Variants in MAP3K2 observed in about 807,000 individuals in gnomAD.
The protein encoded by MAP3K2 is mitogen-activated protein kinase kinase kinase 2.
Under a neutral mutation model 80.3 loss-of-function variants are expected in MAP3K2, and 24 were observed. The observed-to-expected ratio is 0.30, with a 90% CI of 0.22 to 0.42. MAP3K2 has a LOEUF of 0.42. MAP3K2 is among the 10% of genes least tolerant of loss of function. The pLI is 1.00. For missense variants in MAP3K2, 608 were observed against 750.1 expected (o/e 0.81, Z 2.21); for synonymous variants, 244 against 253.7 (o/e 0.96, Z 0.36).
Position 127,362,684 on chromosome 2 carries a change from GTTTATGGACGA to G in MAP3K2, c.-65-19501_-65-19491del, listed in dbSNP as rs143966653. On this transcript the variant is annotated intron_variant, in intron 1 of 16. Transcript: ENST00000682094. The stretch of plus-strand genomic sequence containing the variant: ...GGTTTACCAAAAACATCACTCAACT[GTTTATGGACGA>G]TAATTAGCAATAACGGCTGTCAGTG... 4.8e-3 allele frequency among the ~76,000 whole-genome samples: 732 copies of G among 152,280 alleles called. 17 individuals carry two copies. Among genetic ancestry groups the G allele is most frequent in the East Asian group, 0.038 (196 of 5,190 alleles).
At position 127,322,327 on chromosome 2, in the gene MAP3K2, T is replaced by A; in HGVS notation, c.839-75A>T. 1 of 970,992 alleles carries A rather than the reference T, an allele frequency of 1.0e-6. No individual in the cohort carries two copies. Among genetic ancestry groups the A allele is most frequent in the Non-Finnish European group, 1.5e-6 (1 of 661,010 alleles). 60.1% of individuals were successfully genotyped at this position (970,992 alleles called of 1,614,324 possible). ...CTTTTAAAGTATTTAAAATTTGTAATGTAGAGAATAGAAATTTGTCCTGTG... is the reference window on the plus strand; with the variant it reads ...CTTTTAAAGTATTTAAAATTTGTAAAGTAGAGAATAGAAATTTGTCCTGTG... On this transcript the variant is annotated intron_variant, in intron 11 of 16. Transcript: ENST00000682094. This position sits in a 1 kb window ranked among gnomAD's most constrained non-coding sequence, Gnocchi z 4.2.
intron 1 of MAP3K2, among the ~76,000 whole-genome samples, chr2:127,380,500 A>G (rs1042588149): frequency 1.3e-5 from 2 of 152,238 alleles, no homozygotes; most frequent in African/African-American, 4.8e-5. Context: ...TCTCAAACAA[A>G]TAATTGTTGA....
At chr2:127,333,030 T>C (rs1558979557) in intron 5 of MAP3K2, among the ~76,000 whole-genome samples, 1 of 151,248 alleles carries the variant, frequency 6.6e-6, no homozygotes, top group Non-Finnish European at 1.5e-5. Flanking sequence ...CTTAGAAGGC[T>C]GAGTGGGGAG....
At chr2:127,341,799 T>C (rs979290937) in intron 2 of MAP3K2, among the ~76,000 whole-genome samples, 1 of 152,152 alleles carries the variant, frequency 6.6e-6, no homozygotes, top group Admixed American at 6.5e-5. Flanking sequence ...CCCAAAGTGC[T>C]GGGATTACAG....
rs1333758398 is a variant in MAP3K2, at chr2:127,372,308, C to T, written c.-66+15144G>A. On this transcript the variant is annotated intron_variant, in intron 1 of 16. Coordinates refer to ENST00000682094, the MANE Select transcript of MAP3K2 (RefSeq NM_001371910.2). ...TTTACCATACTGGGTCCCCAATGCCCAGAAAGGGGGAAAGGGACGTTTTGG... is the reference window on the plus strand; with the variant it reads ...TTTACCATACTGGGTCCCCAATGCCTAGAAAGGGGGAAAGGGACGTTTTGG... Among the ~76,000 whole-genome samples, 7 of 152,080 alleles carry T rather than the reference C, an allele frequency of 4.6e-5. No individual in the cohort carries two copies. In the East Asian group the frequency reaches 1.3e-3, roughly 29 times the overall value.
intron 5 of MAP3K2, 74 bp from the exon 6 acceptor site, chr2:127,330,579 G>A (rs1477299299): frequency 4.6e-6 from 3 of 651,486 alleles, no homozygotes; most frequent in African/African-American, 3.7e-5. Context: ...CCACTACTAA[G>A]GAATTACAAA....
chr2:127,374,895 A>G (rs1009992133), intron 1 of MAP3K2, among the ~76,000 whole-genome samples: 2 of 152,180 alleles, frequency 1.3e-5, no homozygotes, highest in Non-Finnish European at 2.9e-5. Flanking sequence ...AACGTACCCA[A>G]TCCAGCCTTA....
intron 1 of MAP3K2, among the ~76,000 whole-genome samples, chr2:127,379,542 A>G (rs1687212452): frequency 6.6e-6 from 1 of 152,166 alleles, no homozygotes; most frequent in Non-Finnish European, 1.5e-5. Flanking sequence ...TTCAATACAC[A>G]TTATAAGCAC....
At chr2:127,360,510 G>A (rs2104872068) in intron 1 of MAP3K2, among the ~76,000 whole-genome samples, 2 of 152,184 alleles carry the variant, frequency 1.3e-5, no homozygotes, top group Middle Eastern at 3.4e-3. Flanking sequence ...CCAAAACTAG[G>A]GGTGACAGTT....
At position 127,322,193 on chromosome 2, in the gene MAP3K2, T is replaced by C; in HGVS notation, c.898A>G (p.Ser300Gly). The C allele has an allele frequency of 6.2e-7, 1 of 1,613,990 alleles. No homozygotes were observed. The highest frequency in any genetic ancestry group is 8.5e-7 in the Non-Finnish European group (1 of 1,179,876). Reference sequence around the variant, plus strand: ...AAGGAATGATCAGTAGGACTGAAACTCACAGGAGACCGTAAGCTGGTCCCC... The same window carrying C: ...AAGGAATGATCAGTAGGACTGAAACCCACAGGAGACCGTAAGCTGGTCCCC... ...TQGTSLRSPV[S>G]FSPTDHSLST... Residue 300 changes from serine (S) to glycine (G), a missense_variant, in exon 12 of 17, where the codon AGT (serine) becomes GGT (glycine). Transcript: ENST00000682094. The surrounding 1 kb of genome is among the most constrained non-coding windows in gnomAD (Gnocchi z 4.2).
chr2:127,330,034 G>T, intron 6 of MAP3K2, 26 bp from the exon 7 acceptor site: 1 of 1,319,418 alleles, frequency 7.6e-7, no homozygotes, highest in Non-Finnish European at 1.1e-6. Flanking sequence ...GACAGTTAAT[G>T]CTATTCTTCC....
intron 15 of MAP3K2, among the ~76,000 whole-genome samples, chr2:127,312,623 T>C (rs1340454658): frequency 1.3e-5 from 2 of 152,060 alleles, no homozygotes; most frequent in East Asian, 3.9e-4. Context: ...ACAGCACCAC[T>C]GTACTCTAGC....
At chr2:127,340,991 G>A (rs1686469036) in intron 2 of MAP3K2, among the ~76,000 whole-genome samples, 1 of 151,678 alleles carries the variant, frequency 6.6e-6, no homozygotes, top group Non-Finnish European at 1.5e-5. Context: ...TTTTGGGGGG[G>A]ACGGGGGAAG....
intron 15 of MAP3K2, among the ~76,000 whole-genome samples, chr2:127,312,965 TAA>T (rs879814656): frequency 2.1e-5 from 3 of 140,396 alleles, no homozygotes; most frequent in Admixed American, 7.2e-5. Context: ...GAATCTCTCT[TAA>T]AAAAAAAAAA....
chr2:127,301,973 A>T lies in MAP3K2; in HGVS notation c.*5606T>A, dbSNP rs1573972191. 3 of 152,348 alleles carry T rather than the reference A, an allele frequency of 2.0e-5. No homozygotes were observed. In the East Asian group the frequency reaches 5.8e-4, roughly 29 times the overall value. 9.4% of individuals were successfully genotyped at this position (152,348 alleles called of 1,614,324 possible). ...CAAACCATGGCAGAAGTCAAAGCCA[A>T]GCCAAAGACAACTATAAGTAGGAAT... On this transcript the variant is annotated 3_prime_UTR_variant, in exon 17 of 17. Transcript: ENST00000682094.
At chr2:127,384,086 G>A (rs146411895) in intron 1 of MAP3K2, among the ~76,000 whole-genome samples, 5,115 of 151,514 alleles carry the variant, frequency 0.034, 124 homozygotes, top group Middle Eastern at 0.071. Flanking sequence ...TAGTAAAGAC[G>A]GGGTTTCATC....
intron 1 of MAP3K2, among the ~76,000 whole-genome samples, chr2:127,372,978 G>A (rs888718330): frequency 7.2e-5 from 11 of 152,120 alleles, no homozygotes; most frequent in African/African-American, 1.7e-4. Context: ...ACGGCCATTC[G>A]ACATTGGCCT....
Position 127,387,452 on chromosome 2 carries a change from C to T in MAP3K2, c.-66G>A. ...CGCGCGCACGCACACACGCACGTAC[C>T]GGCTGCTCCGCAGGGACGTAGAGAG... On this transcript the variant is annotated splice_region_variant and 5_prime_UTR_variant, in exon 1 of 17. Coordinates refer to ENST00000682094, the MANE Select transcript of MAP3K2 (RefSeq NM_001371910.2). 1 of 981,628 alleles carries T rather than the reference C, an allele frequency of 1.0e-6. No individual in the cohort carries two copies. The highest frequency in any genetic ancestry group is 1.2e-6 in the Non-Finnish European group (1 of 830,168). The allele number at this position is 981,628 out of a possible 1,614,324, so 60.8% of individuals were successfully genotyped here. A position where few individuals can be genotyped will look rare whatever the true frequency, so the allele number is the denominator to read the frequency against.
In MAP3K2 at chr2:127,307,639, C is replaced by A; in HGVS notation, c.1800G>T (p.Glu600Asp). The A allele has an allele frequency of 6.3e-7, 1 of 1,588,732 alleles. No homozygotes were observed. The highest frequency in any genetic ancestry group is 8.6e-7 in the Non-Finnish European group (1 of 1,166,888). The stretch of plus-strand genomic sequence containing the variant: ...CATCAGCTGAAGGTCTCAGTTTGGC[C>A]TCTACAAAAATCCGTTTGAGGAAAT... Reference protein sequence around the residue: ...TRDFLKRIFVEAKLRPSADEL... With the variant: ...TRDFLKRIFVDAKLRPSADEL... Residue 600 changes from glutamate (E) to aspartate (D), a missense_variant, in exon 17 of 17, where the codon GAG (glutamate) becomes GAT (aspartate). Transcript: ENST00000682094. The surrounding 1 kb of genome is among the most constrained non-coding windows in gnomAD (Gnocchi z 5.4).
Sources: gnomAD v4.1 joint callset for allele counts (sites outside exome capture counted in the v4.1 genomes callset) on GRCh38, gnomAD v4.1.1 for gene constraint, Gnocchi (gnomAD v3.1) non-coding constraint, MANE v1.5 for transcripts, NCBI Gene and HGNC (gene_info 2026-07-23, HGNC 2026-07-21) for gene names.